DRC8: variants seen among roughly 807,000 people sequenced by gnomAD.
DRC8 encodes the protein dynein regulatory complex protein 8.
At chr1:245,028,011 C>T in the DRC8 span, among the ~76,000 whole-genome samples, 1 of 152,180 alleles carries the variant, frequency 6.6e-6, no homozygotes, top group East Asian at 1.9e-4. Flanking sequence ...CCTGCCTCAG[C>T]CTCCTGAGTA....
chr1:245,099,177 G>A, the DRC8 span, among the ~76,000 whole-genome samples: 2 of 152,120 alleles, frequency 1.3e-5, no homozygotes, highest in East Asian at 1.9e-4. Flanking sequence ...AACTGGCTCC[G>A]TCACCTACAT....
chr1:245,005,268 A>G, the DRC8 span, among the ~76,000 whole-genome samples: 1 of 151,742 alleles, frequency 6.6e-6, no homozygotes, highest in African/African-American at 2.4e-5. Context: ...AAATCATGTT[A>G]ATACTGGCCT....
the DRC8 span, among the ~76,000 whole-genome samples, chr1:244,995,133 C>T: frequency 6.6e-6 from 1 of 152,044 alleles, no homozygotes; most frequent in African/African-American, 2.4e-5. Flanking sequence ...GAGGCCAAGG[C>T]GGGCAGATCA....
At chr1:244,970,674 G>GT in the DRC8 span, 1 of 364,518 alleles carries the variant, frequency 2.7e-6, no homozygotes, top group African/African-American at 7.2e-5. Flanking sequence ...CCCCCGCCCC[G>GT]CCCCGCCTCT....
At chr1:245,004,211 A>C in the DRC8 span, among the ~76,000 whole-genome samples, 2 of 151,972 alleles carry the variant, frequency 1.3e-5, no homozygotes, top group South Asian at 2.1e-4. Flanking sequence ...CATGGTACCC[A>C]GCTTTGGATT....
the DRC8 span, among the ~76,000 whole-genome samples, chr1:245,093,027 A>G: frequency 1.3e-5 from 2 of 152,226 alleles, no homozygotes; most frequent in African/African-American, 2.4e-5. Flanking sequence ...GACACAAATA[A>G]TTATTTACAG....
At chr1:244,971,755 A>G in the DRC8 span, among the ~76,000 whole-genome samples, 1 of 152,226 alleles carries the variant, frequency 6.6e-6, no homozygotes, top group Non-Finnish European at 1.5e-5. Flanking sequence ...TCCGGTGATC[A>G]CAGAAAATCG....
the DRC8 span, among the ~76,000 whole-genome samples, chr1:244,993,915 A>G: frequency 2.0e-5 from 3 of 151,944 alleles, no homozygotes; most frequent in Non-Finnish European, 4.4e-5. Context: ...TGGGGGTTTC[A>G]GTTTCCAACA....
chr1:244,969,815 A>C, the DRC8 span: 4 of 353,368 alleles, frequency 1.1e-5, no homozygotes, highest in Admixed American at 5.0e-5. Flanking sequence ...ACTGGACGGG[A>C]GAAACCGGGA....
the DRC8 span, among the ~76,000 whole-genome samples, chr1:245,059,026 C>T: frequency 1.3e-5 from 2 of 152,202 alleles, no homozygotes; most frequent in Non-Finnish European, 2.9e-5. Context: ...GTCAACTTCA[C>T]CACAAAACTC....
the DRC8 span, among the ~76,000 whole-genome samples, chr1:244,984,338 C>T: frequency 1.3e-5 from 2 of 152,096 alleles, no homozygotes; most frequent in Non-Finnish European, 2.9e-5. Context: ...CTTATTGTCT[C>T]TCTATCCTGT....
At chr1:245,093,168 C>T in the DRC8 span, among the ~76,000 whole-genome samples, 3 of 151,812 alleles carry the variant, frequency 2.0e-5, no homozygotes, top group South Asian at 4.2e-4. Context: ...AGAGAACGTG[C>T]GCATACCTGG....
At chr1:245,061,003 G>C in the DRC8 span, among the ~76,000 whole-genome samples, 1 of 151,526 alleles carries the variant, frequency 6.6e-6, no homozygotes, top group Admixed American at 6.6e-5. Context: ...AGCTTGGAAA[G>C]CTTAAGATAT....
chr1:245,083,398 C>T, the DRC8 span: 3,493 of 1,545,016 alleles, frequency 2.3e-3, 58 homozygotes, highest in African/African-American at 0.039. Context: ...GTAAAGACTG[C>T]GGTAAATACC....
the DRC8 span, among the ~76,000 whole-genome samples, chr1:244,976,002 C>T: frequency 2.6e-5 from 4 of 152,016 alleles, no homozygotes; most frequent in African/African-American, 9.7e-5. Flanking sequence ...GGCGTGGTGG[C>T]TCCTGCTTGT....
the DRC8 span, among the ~76,000 whole-genome samples, chr1:245,121,274 G>A: frequency 1.3e-5 from 2 of 152,190 alleles, no homozygotes; most frequent in Admixed American, 1.3e-4. Flanking sequence ...GATCGTTGCT[G>A]TTCCAAGTAA....
At chr1:245,093,527 C>T in the DRC8 span, among the ~76,000 whole-genome samples, 2 of 151,680 alleles carry the variant, frequency 1.3e-5, no homozygotes, top group Admixed American at 6.6e-5. Flanking sequence ...GGTGAAACCC[C>T]GTCTCCACAA....
At chr1:245,021,421 T>TTATA in the DRC8 span, among the ~76,000 whole-genome samples, 2 of 151,320 alleles carry the variant, frequency 1.3e-5, no homozygotes, top group South Asian at 2.1e-4. Context: ...TTATTCTACT[T>TTATA]TATATATATA....
chr1:245,036,796 AC>A, the DRC8 span, among the ~76,000 whole-genome samples: 1 of 152,202 alleles, frequency 6.6e-6, no homozygotes, highest in African/African-American at 2.4e-5. Context: ...AAATCTGTAG[AC>A]ACACAGATCA....
Sources: gnomAD v4.1 joint callset for allele counts (sites outside exome capture counted in the v4.1 genomes callset) on GRCh38, gnomAD v4.1.1 for gene constraint, MANE v1.5 for transcripts, NCBI Gene and HGNC (gene_info 2026-07-23, HGNC 2026-07-21) for gene names.